The following ARL3 variants were observed in gnomAD, a reference collection of about 807,000 sequenced individuals.
The protein encoded by ARL3 is ADP-ribosylation factor-like protein 3.
A neutral mutation model predicts 26.0 loss-of-function variants in ARL3; 9 were observed. That is an observed-to-expected ratio of 0.35 (90% CI 0.21 to 0.60). The LOEUF (loss-of-function observed/expected upper bound fraction) is 0.60, where lower values mean the gene tolerates loss of function less well. Ranked by LOEUF, ARL3 falls within the 20% of genes least tolerant of loss-of-function variation. ARL3 has a pLI of 0.78. For missense variants in ARL3, 158 were observed against 215.7 expected (o/e 0.73, Z 1.67); for synonymous variants, 71 against 78.4 (o/e 0.91, Z 0.50).
At chr10:102,679,561 G>A (rs756570601) in intron 5 of ARL3, among the ~76,000 whole-genome samples, 11 of 152,166 alleles carry the variant, frequency 7.2e-5, no homozygotes, top group Admixed American at 2.0e-4. Context: ...GGTACCTGCC[G>A]GGTGAAGGGT....
intron 5 of ARL3, among the ~76,000 whole-genome samples, chr10:102,679,944 C>T (rs1306953223): frequency 6.6e-6 from 1 of 152,092 alleles, no homozygotes; most frequent in African/African-American, 2.4e-5. Flanking sequence ...CTCTTGCTTT[C>T]ACCTGGCAAG....
chr10:102,691,938 C>T (rs1453466205), intron 3 of ARL3, among the ~76,000 whole-genome samples: 1 of 152,178 alleles, frequency 6.6e-6, no homozygotes, highest in Non-Finnish European at 1.5e-5. Context: ...CTCAGTTCCT[C>T]CCTCATACTT....
At position 102,713,638 on chromosome 10, in the gene ARL3, T is replaced by C. The variant is rs571778806; in HGVS notation, c.3+635A>G. On this transcript the variant is annotated intron_variant, in intron 1 of 5. Coordinates refer to ENST00000260746, the MANE Select transcript of ARL3 (RefSeq NM_004311.4). ...GCAAAACTCTCAGCAAATAACTAAATAATTCGGGACTGAGGAAGCGCACCC... is the reference window on the plus strand; with the variant it reads ...GCAAAACTCTCAGCAAATAACTAAACAATTCGGGACTGAGGAAGCGCACCC... 7.9e-5 allele frequency among the ~76,000 whole-genome samples: 12 copies of C among 152,244 alleles called. No individual in the cohort carries two copies. The South Asian group carries it at 2.5e-3, about 32-fold the overall frequency.
At chr10:102,678,514 T>C (rs2064141087) in intron 5 of ARL3, among the ~76,000 whole-genome samples, 1 of 152,098 alleles carries the variant, frequency 6.6e-6, no homozygotes. Context: ...GCTGAATAGC[T>C]CAGCACTTAC....
chr10:102,710,738 T>G (rs1357406823), intron 1 of ARL3, among the ~76,000 whole-genome samples: 1 of 152,104 alleles, frequency 6.6e-6, no homozygotes, highest in African/African-American at 2.4e-5. Flanking sequence ...CATGTGTGTA[T>G]ACAAGTTATC....
intron 1 of ARL3, among the ~76,000 whole-genome samples, chr10:102,713,237 T>G (rs1274065857): frequency 2.0e-5 from 3 of 152,208 alleles, no homozygotes; most frequent in Admixed American, 6.5e-5. Flanking sequence ...AAATCAATTT[T>G]TCTTTGATAG....
At chr10:102,703,700 C>T (rs2064293328) in intron 2 of ARL3, among the ~76,000 whole-genome samples, 2 of 151,862 alleles carry the variant, frequency 1.3e-5, no homozygotes, top group Admixed American at 6.6e-5. Context: ...ACCTCGGCCT[C>T]CCAAAGTGCT....
chr10:102,676,593 G>A lies in ARL3; in HGVS notation c.*301C>T. On this transcript the variant is annotated 3_prime_UTR_variant, in exon 6 of 6. Transcript: ENST00000260746. ...CCACTGGAATTGTCTAAACTGCAAT[G>A]CAATCTCTTGCTCATTTAAAAGATC... 1 of 212,380 alleles carries A rather than the reference G, an allele frequency of 4.7e-6. No individual in the cohort carries two copies. The highest frequency in any genetic ancestry group is 9.3e-6 in the Non-Finnish European group (1 of 107,642). The allele number at this position is 212,380 out of a possible 1,614,324, so 13.2% of individuals were successfully genotyped here. A position where few individuals can be genotyped will look rare whatever the true frequency, so the allele number is the denominator to read the frequency against.
intron 2 of ARL3, among the ~76,000 whole-genome samples, chr10:102,703,736 C>A (rs1244240909): frequency 1.3e-5 from 2 of 152,094 alleles, no homozygotes; most frequent in Non-Finnish European, 2.9e-5. Flanking sequence ...AGCCACCACG[C>A]CCGGCCCAGG....
At chr10:102,684,894 C>T (rs1451627218) in intron 5 of ARL3, among the ~76,000 whole-genome samples, 7 of 151,450 alleles carry the variant, frequency 4.6e-5, no homozygotes, top group Admixed American at 6.6e-5. Context: ...CCACCCGCCT[C>T]GGCCTCCCAA....
chr10:102,704,778 T>C (rs1192651595), intron 2 of ARL3, among the ~76,000 whole-genome samples: 1 of 152,086 alleles, frequency 6.6e-6, no homozygotes, highest in African/African-American at 2.4e-5. Flanking sequence ...ACATAACACG[T>C]ACAATATGCA....
chr10:102,689,013 T>C (rs1001519457), intron 4 of ARL3, among the ~76,000 whole-genome samples: 16 of 152,212 alleles, frequency 1.1e-4, no homozygotes, highest in Admixed American at 2.0e-4. Context: ...TGATTAAAGC[T>C]AAAAAGCTTT....
At chr10:102,684,445 G>T (rs186572085) in intron 5 of ARL3, among the ~76,000 whole-genome samples, 1 of 151,904 alleles carries the variant, frequency 6.6e-6, no homozygotes, top group African/African-American at 2.4e-5. Flanking sequence ...CACCACAGCC[G>T]GCTACTCTCA....
intron 4 of ARL3, among the ~76,000 whole-genome samples, chr10:102,686,324 G>A (rs767616572): frequency 2.6e-5 from 4 of 151,592 alleles, no homozygotes; most frequent in Non-Finnish European, 5.9e-5. Flanking sequence ...CACCCACCTC[G>A]GCCTCCCAAA....
intron 5 of ARL3, among the ~76,000 whole-genome samples, chr10:102,681,307 G>A (rs1412009699): frequency 6.6e-6 from 1 of 150,802 alleles, no homozygotes; most frequent in South Asian, 2.1e-4. Context: ...CAGGAGAATC[G>A]CTTGAACCCA....
At chr10:102,700,425 C>G (rs1350449622) in intron 2 of ARL3, among the ~76,000 whole-genome samples, 2 of 53,088 alleles carry the variant, frequency 3.8e-5, no homozygotes, top group East Asian at 1.2e-3. Context: ...AAAAAAAGTG[C>G]TTTCATAGGG....
intron 5 of ARL3, among the ~76,000 whole-genome samples, chr10:102,681,486 G>A (rs890077035): frequency 6.6e-6 from 1 of 152,072 alleles, no homozygotes; most frequent in South Asian, 2.1e-4. Flanking sequence ...GGGCGAGTGA[G>A]CATTTAGTGT....
intron 1 of ARL3, among the ~76,000 whole-genome samples, chr10:102,710,105 C>A (rs1201295130): frequency 5.9e-5 from 9 of 152,164 alleles, no homozygotes; most frequent in Non-Finnish European, 1.0e-4. Context: ...TTCTACATTT[C>A]TAATGAGTAA....
chr10:102,689,691 C>T (rs1213108967), intron 4 of ARL3, among the ~76,000 whole-genome samples: 6 of 151,716 alleles, frequency 4.0e-5, no homozygotes, highest in South Asian at 2.1e-4. Flanking sequence ...ATTAGCCAGG[C>T]GTGGTGGTGC....
Sources: gnomAD v4.1 joint callset for allele counts (sites outside exome capture counted in the v4.1 genomes callset) on GRCh38, gnomAD v4.1.1 for gene constraint, MANE v1.5 for transcripts, NCBI Gene and HGNC (gene_info 2026-07-23, HGNC 2026-07-21) for gene names.